Variants in FOXP2 observed in about 807,000 individuals in gnomAD.
FOXP2 encodes the protein forkhead box protein P2.
FOXP2 carries 12 observed loss-of-function variants against 115.8 expected under a neutral mutation model. The observed-to-expected ratio is 0.10, with a 90% CI of 0.07 to 0.17. The LOEUF is 0.17. FOXP2 is among the 10% of genes least tolerant of loss of function. The probability of loss-of-function intolerance (pLI) is 1.00; values close to 1 mark genes in which losing one functional copy is unlikely to be tolerated. For missense variants in FOXP2, 629 were observed against 843.5 expected, an observed-to-expected ratio of 0.75 and a Z score of 3.15; for synonymous variants, 328 against 297.7, an observed-to-expected ratio of 1.10 and a Z score of -1.05.
At chr7:114,283,992 T>C (rs1340313997) in intron 1 of FOXP2, among the ~76,000 whole-genome samples, 1 of 151,884 alleles carries the variant, frequency 6.6e-6, no homozygotes, top group African/African-American at 2.4e-5. Flanking sequence ...ACAAAACACA[T>C]AAAAAAACTA....
chr7:114,346,081 G>A (rs1791340186), intron 2 of FOXP2, among the ~76,000 whole-genome samples: 1 of 151,618 alleles, frequency 6.6e-6, no homozygotes, highest in Admixed American at 6.6e-5. Context: ...TAAACATACT[G>A]TATTGTACTC....
At chr7:114,638,176 CT>C (rs146471144) in intron 6 of FOXP2, among the ~76,000 whole-genome samples, 2,923 of 152,108 alleles carry the variant, frequency 0.019, 30 homozygotes, top group Non-Finnish European at 0.03. Flanking sequence ...TTGGTGACTC[CT>C]AAGTTTACAC....
intron 6 of FOXP2, among the ~76,000 whole-genome samples, chr7:114,636,277 A>G (rs749623832): frequency 2.0e-5 from 3 of 152,140 alleles, no homozygotes; most frequent in Non-Finnish European, 4.4e-5. Flanking sequence ...CTTTTCTGTG[A>G]TTCAATTATT....
chr7:114,230,619 A>G (rs1794850429), intron 1 of FOXP2, among the ~76,000 whole-genome samples: 2 of 152,108 alleles, frequency 1.3e-5, no homozygotes, highest in South Asian at 4.1e-4. Flanking sequence ...AAAGATAAAA[A>G]TCACATGATC....
At chr7:114,189,639 G>A (rs1029748495) in intron 1 of FOXP2, among the ~76,000 whole-genome samples, 6 of 152,094 alleles carry the variant, frequency 3.9e-5, no homozygotes, top group African/African-American at 1.4e-4. Flanking sequence ...TTATAAAAAT[G>A]AGAAACAGTA....
chr7:114,350,710 T>C (rs2129185708), intron 2 of FOXP2, among the ~76,000 whole-genome samples: 1 of 152,286 alleles, frequency 6.6e-6, no homozygotes, highest in South Asian at 2.1e-4. Context: ...CCTTCTTGTA[T>C]TGATAGATAC....
chr7:114,196,427 G>C (rs1793909377), intron 1 of FOXP2, among the ~76,000 whole-genome samples: 1 of 151,994 alleles, frequency 6.6e-6, no homozygotes, highest in Non-Finnish European at 1.5e-5. Context: ...TCCCAAACCT[G>C]GTGATTATTA....
intron 2 of FOXP2, chr7:114,499,855 C>T (rs1454306065): frequency 6.6e-6 from 1 of 151,964 alleles, no homozygotes; most frequent in African/African-American, 2.4e-5. Flanking sequence ...CTGAACTATA[C>T]CAAATTTTGC....
rs558918209 is a variant in FOXP2, at chr7:114,122,434, G to A, written c.-247+34596G>A. 2.8e-3 allele frequency among the ~76,000 whole-genome samples: 416 copies of A among 150,212 alleles called. 1 individual carries two copies. The highest frequency in any genetic ancestry group is 0.014 in the Middle Eastern group (4 of 292). On this transcript the variant is annotated intron_variant, in intron 1 of 19. Coordinates refer to the FOXP2 transcript ENST00000635638. ...TTTTCCTTTTTTTTTTGGCCACTGG[G>A]AGTTTTGTTGCCAGCAATGAAATAC...
At chr7:114,181,577 T>G (rs1793458418) in intron 1 of FOXP2, among the ~76,000 whole-genome samples, 1 of 151,994 alleles carries the variant, frequency 6.6e-6, no homozygotes, top group Non-Finnish European at 1.5e-5. Context: ...CCCAGGTACA[T>G]TTTGCAGAAG....
At chr7:114,200,286 T>A (rs929246402) in intron 1 of FOXP2, among the ~76,000 whole-genome samples, 2 of 152,210 alleles carry the variant, frequency 1.3e-5, no homozygotes, top group African/African-American at 4.8e-5. Flanking sequence ...AGAATCCAGA[T>A]CAAGCTGTAA....
At chr7:114,517,438 T>C (rs1798400799) in intron 2 of FOXP2, among the ~76,000 whole-genome samples, 1 of 152,180 alleles carries the variant, frequency 6.6e-6, no homozygotes, top group Admixed American at 6.6e-5. Context: ...CTTGGAACTT[T>C]CCCCTTGTAT....
intron 3 of FOXP2, among the ~76,000 whole-genome samples, chr7:114,619,430 A>T (rs1262021845): frequency 1.3e-5 from 2 of 152,266 alleles, no homozygotes; most frequent in East Asian, 3.9e-4. Context: ...TAGTACTGTG[A>T]CAGTTTATAT....
intron 2 of FOXP2, among the ~76,000 whole-genome samples, chr7:114,491,611 G>A (rs1474837168): frequency 6.6e-6 from 1 of 152,018 alleles, no homozygotes; most frequent in African/African-American, 2.4e-5. Context: ...TATTGCCTAG[G>A]TTTTCTTCTA....
At chr7:114,298,389 A>T (rs1796795085) in intron 2 of FOXP2, among the ~76,000 whole-genome samples, 1 of 152,166 alleles carries the variant, frequency 6.6e-6, no homozygotes, top group Admixed American at 6.5e-5. Context: ...GTTCTTTGAT[A>T]TTACTGTCTG....
At chr7:114,611,569 T>C (rs1161209813) in intron 3 of FOXP2, among the ~76,000 whole-genome samples, 1 of 152,242 alleles carries the variant, frequency 6.6e-6, no homozygotes, top group African/African-American at 2.4e-5. Flanking sequence ...AAGAATATAG[T>C]TATAGCTAAA....
intron 1 of FOXP2, among the ~76,000 whole-genome samples, chr7:114,235,422 T>C (rs1432799156): frequency 7.2e-5 from 11 of 152,122 alleles, no homozygotes; most frequent in Non-Finnish European, 1.6e-4. Context: ...GGAAAAACAC[T>C]TGTGAAATAC....
chr7:114,638,881 T>C (rs1379762645), intron 6 of FOXP2, among the ~76,000 whole-genome samples: 1 of 152,216 alleles, frequency 6.6e-6, no homozygotes, highest in Admixed American at 6.5e-5. Flanking sequence ...CACTGTGTCT[T>C]CCTGTTTTTA....
chr7:114,525,964 T>G (rs1584851951), intron 2 of FOXP2, among the ~76,000 whole-genome samples: 1 of 151,484 alleles, frequency 6.6e-6, no homozygotes, highest in African/African-American at 2.4e-5. Context: ...ATACAAAAAT[T>G]ATCTGGGCGT....
Sources: gnomAD v4.1 joint callset for allele counts (sites outside exome capture counted in the v4.1 genomes callset) on GRCh38, gnomAD v4.1.1 for gene constraint, MANE v1.5 for transcripts, NCBI Gene and HGNC (gene_info 2026-07-23, HGNC 2026-07-21) for gene names.